The following CCNY variants were observed in gnomAD, a reference collection of about 807,000 sequenced individuals.
The protein encoded by CCNY is cyclin-Y.
Under a neutral mutation model 42.8 loss-of-function variants are expected in CCNY, and 19 were observed. That is an observed-to-expected ratio of 0.44 (90% CI 0.31 to 0.65). CCNY has a LOEUF of 0.65. Ranked by LOEUF, CCNY falls within the 30% of genes least tolerant of loss-of-function variation. The pLI, the probability that CCNY is intolerant of heterozygous loss-of-function variation, is 0.07. For missense variants in CCNY, 370 were observed against 437.3 expected (o/e 0.85, Z 1.37); for synonymous variants, 165 against 162.7 (o/e 1.01, Z -0.11).
At chr10:35,275,679 C>T (rs1589012313) in intron 3 of CCNY, among the ~76,000 whole-genome samples, 2 of 151,864 alleles carry the variant, frequency 1.3e-5, no homozygotes, top group Admixed American at 1.3e-4. Context: ...AGGAGAATGG[C>T]GTGAACCCGG....
intron 1 of CCNY, among the ~76,000 whole-genome samples, chr10:35,386,227 C>G (rs1210032486): frequency 6.6e-6 from 1 of 152,144 alleles, no homozygotes; most frequent in Non-Finnish European, 1.5e-5. Context: ...ATCTTCGTAT[C>G]GTGTCAGAGT....
chr10:35,329,854 T>A (rs1166959906), intron 3 of CCNY, among the ~76,000 whole-genome samples: 1 of 152,160 alleles, frequency 6.6e-6, no homozygotes, highest in East Asian at 1.9e-4. Context: ...GAGAAGCTAC[T>A]GACAGATTTT....
At chr10:35,321,689 A>T (rs974846800) in intron 3 of CCNY, among the ~76,000 whole-genome samples, 1 of 152,180 alleles carries the variant, frequency 6.6e-6, no homozygotes, top group African/African-American at 2.4e-5. Context: ...AAAAAAAGAA[A>T]ATCCCAGCAG....
At chr10:35,256,643 A>G (rs1029226496) in intron 3 of CCNY, among the ~76,000 whole-genome samples, 4 of 151,832 alleles carry the variant, frequency 2.6e-5, no homozygotes, top group Non-Finnish European at 5.9e-5. Context: ...GAGGCAGAGA[A>G]CTGCTTGAAC....
In CCNY at chr10:35,571,200, G is replaced by A. The variant is rs1189540534; in HGVS notation, c.*2030G>A. 1 of 152,220 alleles carries A rather than the reference G, an allele frequency of 6.6e-6. No homozygotes were observed. The highest frequency in any genetic ancestry group is 1.5e-5 in the Non-Finnish European group (1 of 68,030). The allele number at this position is 152,220 out of a possible 1,614,324, so 9.4% of individuals were successfully genotyped here. On this transcript the variant is annotated 3_prime_UTR_variant, in exon 10 of 10. Transcript: ENST00000374704. ...TCCATTTCAGGAAAGAGGTTCTGCT[G>A]CCGTAAAGGCAGAAATTTTATTTTT...
chr10:35,412,819 C>T (rs1357533346), intron 1 of CCNY, among the ~76,000 whole-genome samples: 2 of 145,088 alleles, frequency 1.4e-5, no homozygotes, highest in Admixed American at 1.4e-4. Context: ...CGAGATCACG[C>T]CACTGCACTC....
intron 3 of CCNY, among the ~76,000 whole-genome samples, chr10:35,253,157 T>G (rs186405574): frequency 3.7e-4 from 56 of 152,336 alleles, no homozygotes; most frequent in African/African-American, 1.3e-3. Flanking sequence ...CATATGTACC[T>G]GTTGATGACT....
chr10:35,530,247 A>G lies in CCNY; in HGVS notation c.579+4A>G. ...TGAATGTGCCATCGTCACCCTGGTG[A>G]GTGCCCTCAGGATGGCCACACCCAT... On this transcript the variant is annotated splice_donor_region_variant and intron_variant, in intron 7 of 9. Coordinates refer to ENST00000374704, the MANE Select transcript of CCNY (RefSeq NM_145012.6). The surrounding 1 kb of genome is among the most constrained non-coding windows in gnomAD (Gnocchi z 4.3). 1.2e-6 allele frequency: 2 copies of G among 1,614,120 alleles called. No individual in the cohort carries two copies. Among genetic ancestry groups the G allele is most frequent in the Non-Finnish European group, 1.7e-6 (2 of 1,179,998 alleles).
chr10:35,526,669 G>GTTTTTTT, intron 5 of CCNY, among the ~76,000 whole-genome samples: 1 of 142,658 alleles, frequency 7.0e-6, no homozygotes, highest in Non-Finnish European at 1.5e-5. Context: ...TCCTTTCCAA[G>GTTTTTTT]TTTTTTTTTT....
At chr10:35,357,195 C>A (rs775211388) in intron 1 of CCNY, among the ~76,000 whole-genome samples, 2 of 146,734 alleles carry the variant, frequency 1.4e-5, no homozygotes, top group Non-Finnish European at 3.0e-5. Context: ...CCTGCCCCAG[C>A]CCCAGCCCCA....
chr10:35,560,375 A>G (rs930713482), intron 8 of CCNY, among the ~76,000 whole-genome samples: 2 of 152,234 alleles, frequency 1.3e-5, no homozygotes, highest in East Asian at 3.9e-4. Flanking sequence ...GTTTTTAAAG[A>G]CCTAATTAAA....
chr10:35,379,982 C>T (rs1783413048), intron 1 of CCNY, among the ~76,000 whole-genome samples: 2 of 152,132 alleles, frequency 1.3e-5, no homozygotes, highest in Non-Finnish European at 2.9e-5. Flanking sequence ...CCACTCAGCG[C>T]AGTAAAAAAA....
At chr10:35,547,036 C>G (rs746463920) in intron 7 of CCNY, among the ~76,000 whole-genome samples, 2 of 152,112 alleles carry the variant, frequency 1.3e-5, no homozygotes, top group African/African-American at 2.4e-5. Context: ...GTTTTCTGCT[C>G]TCAGCACAGT....
At chr10:35,282,830 C>A (rs529919605) in intron 3 of CCNY, among the ~76,000 whole-genome samples, 1 of 151,974 alleles carries the variant, frequency 6.6e-6, no homozygotes, top group South Asian at 2.1e-4. Flanking sequence ...GAGCCTATTG[C>A]CAGGCTGTTA....
intron 1 of CCNY, among the ~76,000 whole-genome samples, chr10:35,447,309 C>T (rs1239027758): frequency 1.3e-5 from 2 of 152,178 alleles, no homozygotes; most frequent in Non-Finnish European, 2.9e-5. Flanking sequence ...TCTAGAAAAA[C>T]CATAGTTTAA....
rs1836050359 is a variant in CCNY, at chr10:35,336,961, A to G, written c.-93A>G. Reference sequence around the variant, plus strand: ...GCGGCGAGCGGGCGGGCCTCCCCACACGCCCCCGCCGCCCGCGCCCCGCGT... The same window carrying G: ...GCGGCGAGCGGGCGGGCCTCCCCACGCGCCCCCGCCGCCCGCGCCCCGCGT... On this transcript the variant is annotated 5_prime_UTR_variant, in exon 1 of 10. Coordinates refer to ENST00000374704, the MANE Select transcript of CCNY (RefSeq NM_145012.6). 2.9e-6 allele frequency: 3 copies of G among 1,045,906 alleles called. No homozygotes were observed. Among genetic ancestry groups the G allele is most frequent in the Non-Finnish European group, 3.6e-6 (3 of 827,090 alleles). 64.8% of individuals were successfully genotyped at this position (1,045,906 alleles called of 1,614,324 possible).
At chr10:35,563,095 T>G (rs1392066701) in intron 8 of CCNY, among the ~76,000 whole-genome samples, 2 of 152,174 alleles carry the variant, frequency 1.3e-5, no homozygotes, top group Non-Finnish European at 2.9e-5. Context: ...CACGTTAGTT[T>G]TCTGATAATT....
intron 1 of CCNY, among the ~76,000 whole-genome samples, chr10:35,482,735 G>T (rs936654546): frequency 1.4e-5 from 2 of 143,842 alleles, no homozygotes; most frequent in Non-Finnish European, 3.0e-5. Context: ...ATTTCTCAAG[G>T]GAAGCTGGAA....
chr10:35,382,970 A>G (rs1837222077), intron 1 of CCNY, among the ~76,000 whole-genome samples: 1 of 152,216 alleles, frequency 6.6e-6, no homozygotes, highest in East Asian at 1.9e-4. Flanking sequence ...CCTTAGTACT[A>G]CACAGCTGAC....
Sources: allele counts gnomAD v4.1 joint callset (sites outside exome capture counted in the v4.1 genomes callset), GRCh38; gene constraint gnomAD v4.1.1; non-coding constraint Gnocchi (gnomAD v3.1); transcripts MANE v1.5; gene names NCBI Gene and HGNC (gene_info 2026-07-23, HGNC 2026-07-21).